INTS11: variants seen among roughly 807,000 people sequenced by gnomAD.
INTS11 encodes the protein integrator complex subunit 11.
INTS11 carries 77 observed loss-of-function variants against 78.6 expected under a neutral mutation model. That is an observed-to-expected ratio of 0.98 (90% CI 0.81 to 1.18). The LOEUF (loss-of-function observed/expected upper bound fraction) is 1.18, where lower values mean the gene tolerates loss of function less well. Ranked by LOEUF, INTS11 falls within the 50% of genes most tolerant of loss-of-function variation. The pLI is 0.00. For missense variants in INTS11, 875 were observed against 825.9 expected (o/e 1.06, Z -0.73); for synonymous variants, 441 against 326.9 (o/e 1.35, Z -3.77).
At chr1:1,317,364 C>T (rs145195631) in intron 4 of INTS11, 391 of 507,646 alleles carry the variant, frequency 7.7e-4, no homozygotes, top group Non-Finnish European at 8.8e-4. Context: ...CACTGCACTA[C>T]AGCCTGGGCA....
chr1:1,319,228 C>G, intron 4 of INTS11, 68 bp downstream of exon 4: 1 of 1,322,676 alleles, frequency 7.6e-7, no homozygotes, highest in Non-Finnish European at 1.1e-6. Flanking sequence ...CTGTGTAGAA[C>G]GGGCGGAGGG....
In INTS11 at chr1:1,312,206, G is replaced by GGGA; in HGVS notation, c.1607+19_1607+20insTCC. The stretch of plus-strand genomic sequence containing the variant: ...TCCAGGGCCCAAGGGAGTGGGGGGG[G>GGGA]GGCGGGGCCGGGCGCCCACCTCTTG... On this transcript the variant is annotated intron_variant, in intron 15 of 16. Coordinates refer to ENST00000435064, the MANE Select transcript of INTS11 (RefSeq NM_017871.6). 1 of 1,161,214 alleles carries GGGA rather than the reference G, an allele frequency of 8.6e-7. No individual in the cohort carries two copies. The highest frequency in any genetic ancestry group is 1.2e-6 in the Non-Finnish European group (1 of 826,254). 71.9% of individuals were successfully genotyped at this position (1,161,214 alleles called of 1,614,324 possible). A position where few individuals can be genotyped will look rare whatever the true frequency, so the allele number is the denominator to read the frequency against.
chr1:1,321,836 G>T, intron 1 of INTS11: 1 of 1,131,944 alleles, frequency 8.8e-7, no homozygotes, highest in South Asian at 2.9e-5. Flanking sequence ...AAAGGGTCAC[G>T]GCCCCTGCAC....
chr1:1,312,213 G>GCC lies in INTS11; in HGVS notation c.1607+11_1607+12dup. The GCC allele has an allele frequency of 1.1e-6, 1 of 934,598 alleles. No homozygotes were observed. The highest frequency in any genetic ancestry group is 1.5e-5 in the South Asian group (1 of 67,394). The allele number at this position is 934,598 out of a possible 1,614,324, so 57.9% of individuals were successfully genotyped here. A position where few individuals can be genotyped will look rare whatever the true frequency, so the allele number is the denominator to read the frequency against. On this transcript the variant is annotated intron_variant, in intron 15 of 16. Coordinates refer to ENST00000435064, the MANE Select transcript of INTS11 (RefSeq NM_017871.6). ...CCCAAGGGAGTGGGGGGGGGGCGGG[G>GCC]CCGGGCGCCCACCTCTTGAGGTGGC...
intron 4 of INTS11, chr1:1,318,970 T>A: frequency 1.4e-6 from 1 of 717,186 alleles, no homozygotes; most frequent in South Asian, 1.5e-5. Context: ...CTCCAGCGAG[T>A]CTCTGGCCGC....
Position 1,314,408 on chromosome 1 carries a change from C to T in INTS11, c.703-43G>A, listed in dbSNP as rs762353370. On this transcript the variant is annotated intron_variant, in intron 7 of 16. Coordinates refer to ENST00000435064, the MANE Select transcript of INTS11 (RefSeq NM_017871.6). The surrounding 1 kb of genome is among the most constrained non-coding windows in gnomAD (Gnocchi z 4.2). ...CAGGAGCCCTGGGCACATGGCCCCT[C>T]GACACAGCAGGCAGCGTCCAGTGAG... 8.3e-6 allele frequency: 13 copies of T among 1,557,496 alleles called. No individual in the cohort carries two copies. Among genetic ancestry groups the T allele is most frequent in the Admixed American group, 5.5e-5 (3 of 54,962 alleles).
intron 4 of INTS11, chr1:1,316,614 TTTTAAA>T (rs1385239021): frequency 6.6e-6 from 1 of 151,718 alleles, no homozygotes; most frequent in Non-Finnish European, 1.5e-5. Context: ...ACTAGACTTC[TTTTAAA>T]TTTAATTTAT....
At chr1:1,311,995 G>A (rs2100553371) in intron 16 of INTS11, 23 bp downstream of exon 16, 1 of 1,589,234 alleles carries the variant, frequency 6.3e-7, no homozygotes, top group Middle Eastern at 1.7e-4. Flanking sequence ...GTTGACCGCG[G>A]TGGGGTGGGG....
At position 1,313,927 on chromosome 1, in the gene INTS11, G is replaced by A. The variant is rs767522140; in HGVS notation, c.768-6C>T. The A allele has an allele frequency of 2.5e-6, 4 of 1,610,918 alleles. No individual in the cohort carries two copies. Among genetic ancestry groups the A allele is most frequent in the Middle Eastern group, 1.7e-4 (1 of 6,050 alleles). ...CCTTCAGGTTCATGCGCTCCCTGGG[G>A]ACCACCGGCCCAGTCAGCACAGTGG... On this transcript the variant is annotated splice_polypyrimidine_tract_variant and splice_region_variant and intron_variant, in intron 8 of 16. Coordinates refer to ENST00000435064, the MANE Select transcript of INTS11 (RefSeq NM_017871.6).
intron 12 of INTS11, 21 bp from the exon 13 acceptor site, chr1:1,312,721 G>C: frequency 2.5e-6 from 4 of 1,589,586 alleles, no homozygotes; most frequent in Non-Finnish European, 3.4e-6. Context: ...GGGGAAGAGA[G>C]AGCCTCAGCC....
In INTS11 at chr1:1,311,644, G is replaced by A. The variant is rs543885098; in HGVS notation, c.*215C>T. 22 of 707,336 alleles carry A rather than the reference G, an allele frequency of 3.1e-5. No homozygotes were observed. The highest frequency in any genetic ancestry group is 1.0e-4 in the African/African-American group (6 of 57,380). The allele number at this position is 707,336 out of a possible 1,614,324, so 43.8% of individuals were successfully genotyped here. A position where few individuals can be genotyped will look rare whatever the true frequency, so the allele number is the denominator to read the frequency against. On this transcript the variant is annotated 3_prime_UTR_variant, in exon 17 of 17. Coordinates refer to ENST00000435064, the MANE Select transcript of INTS11 (RefSeq NM_017871.6). ...TGGAAACTGCTGTCTAGGACCACCT[G>A]CCCTAACCAGGAATAAAGGCAAGAC...
chr1:1,319,443 G>T lies in INTS11; in HGVS notation c.282C>A (p.His94Gln), dbSNP rs767166926. 2.7e-5 allele frequency: 44 copies of T among 1,612,716 alleles called. No individual in the cohort carries two copies. Among genetic ancestry groups the T allele is most frequent in the Non-Finnish European group, 3.6e-5 (42 of 1,179,734 alleles). ...VGYDGPIYMT[H>Q]PTQAICPILL... is the part of the protein sequence containing the mutation. Reference sequence around the variant, plus strand: ...AGATGGGGCAGATGGCCTGGGTGGGGTGAGTCATGTAGATGGGCCCGTCGT... The same window carrying T: ...AGATGGGGCAGATGGCCTGGGTGGGTTGAGTCATGTAGATGGGCCCGTCGT... Residue 94 changes from histidine to glutamine, a missense_variant, in exon 4 of 17, where the codon CAC (histidine) becomes CAA (glutamine). Physicochemically the swap from His to Gln is conservative, Grantham distance 24. Coordinates refer to ENST00000435064, the MANE Select transcript of INTS11 (RefSeq NM_017871.6).
rs745565232 is a variant in INTS11 at position 1,313,786 on chromosome 1, C to T, written c.903G>A (p.Glu301=). The part of the protein sequence containing the change: ...RKTFVQRNMF[E]FKHIKAFDRA... ...GGTCGAAGGCCTTGATGTGCTTGAACTCAAACATGTTCCTCTGCACGAAAG... is the reference window on the plus strand; with the variant it reads ...GGTCGAAGGCCTTGATGTGCTTGAATTCAAACATGTTCCTCTGCACGAAAG... Residue 301 remains glutamate, a synonymous_variant, in exon 9 of 17, where the codon GAG becomes GAA. Coordinates refer to ENST00000435064, the MANE Select transcript of INTS11 (RefSeq NM_017871.6). The T allele has an allele frequency of 7.4e-6, 12 of 1,613,332 alleles. No individual in the cohort carries two copies. In the South Asian group the frequency reaches 7.7e-5, roughly 10 times the overall value.
chr1:1,324,242 G>T (rs1234645921), intron 1 of INTS11, among the ~76,000 whole-genome samples: 1 of 151,888 alleles, frequency 6.6e-6, no homozygotes, highest in Non-Finnish European at 1.5e-5. Flanking sequence ...CTAAGGGACT[G>T]AAGGGCTGGT....
intron 15 of INTS11, 28 bp downstream of exon 15, chr1:1,312,198 T>TGGGGTG (rs1553166753): frequency 3.7e-6 from 4 of 1,080,894 alleles, no homozygotes; most frequent in Non-Finnish European, 5.0e-6. Flanking sequence ...CCCAAGGGAG[T>TGGGGTG]GGGGGGGGGG....
rs753252344 is a variant in INTS11, at chr1:1,312,597, C to T, written c.1398G>A (p.Ala466=). Residue 466 remains alanine, a synonymous_variant, in exon 13 of 17, where the codon GCG becomes GCA. Coordinates refer to ENST00000435064, the MANE Select transcript of INTS11 (RefSeq NM_017871.6). The stretch of plus-strand genomic sequence containing the variant: ...TGCCCTGCCCAGCCCGCATACCCTG[C>T]GCCATCTCCCGCTTCAGCAGCCCCA... The part of the protein sequence containing the change: ...ISLGLLKREM[A]QGLLPEAKKP... 4.1e-5 allele frequency: 64 copies of T among 1,572,190 alleles called. No individual in the cohort carries two copies. Among genetic ancestry groups the T allele is most frequent in the South Asian group, 5.8e-5 (5 of 86,512 alleles).
At position 1,314,169 on chromosome 1, in the gene INTS11, A is replaced by AC; in HGVS notation, c.767+131dup. 1.1e-6 allele frequency: 1 copy of AC among 914,104 alleles called. No homozygotes were observed. Among genetic ancestry groups the AC allele is most frequent in the Non-Finnish European group, 1.7e-6 (1 of 572,450 alleles). 56.6% of individuals were successfully genotyped at this position (914,104 alleles called of 1,614,324 possible). On this transcript the variant is annotated intron_variant, in intron 8 of 16. Coordinates refer to ENST00000435064, the MANE Select transcript of INTS11 (RefSeq NM_017871.6). The surrounding 1 kb of genome is among the most constrained non-coding windows in gnomAD (Gnocchi z 4.2). ...CAGGCTTCCTGGGGTCACACAGCAC[A>AC]CGAGCGGCCCCCCAGGACAGCAGCA...
chr1:1,319,654 T>C, intron 3 of INTS11, 130 bp from the exon 4 acceptor site: 1 of 630,996 alleles, frequency 1.6e-6, no homozygotes, highest in Non-Finnish European at 2.7e-6. Flanking sequence ...TACCGAAGAG[T>C]CAGTAATGAG....
At position 1,318,020 on chromosome 1, in the gene INTS11, C is replaced by T. The variant is rs1249515372; in HGVS notation, c.429+1276G>A. 3 of 152,118 alleles carry T rather than the reference C, an allele frequency of 2.0e-5. No homozygotes were observed. The East Asian group carries it at 5.8e-4, about 29-fold the overall frequency. The allele number at this position is 152,118 out of a possible 1,614,324, so 9.4% of individuals were successfully genotyped here. On this transcript the variant is annotated intron_variant, in intron 4 of 16. Transcript: ENST00000435064. The stretch of plus-strand genomic sequence containing the variant: ...GTAGCTGGGACTGCAGGCGCCCGCA[C>T]CACGCCCAGCTAATTTTTTTGTATT...
Sources: allele counts gnomAD v4.1 joint callset (sites outside exome capture counted in the v4.1 genomes callset), GRCh38; gene constraint gnomAD v4.1.1; non-coding constraint Gnocchi (gnomAD v3.1); transcripts MANE v1.5; gene names NCBI Gene and HGNC (gene_info 2026-07-23, HGNC 2026-07-21).